The following IL1RAPL1 variants were observed in gnomAD, a reference collection of about 807,000 sequenced individuals.
IL1RAPL1 encodes the protein interleukin 1 receptor accessory protein like 1, also known as interleukin-1 receptor accessory protein-like 1.
In IL1RAPL1, 3 loss-of-function variants were observed where a neutral mutation model predicts 48.4. That is an observed-to-expected ratio of 0.06 (90% CI 0.03 to 0.16). The LOEUF is 0.16. Ranked by LOEUF, IL1RAPL1 falls within the 10% of genes least tolerant of loss-of-function variation. The probability of loss-of-function intolerance (pLI) is 1.00; values close to 1 mark genes in which losing one functional copy is unlikely to be tolerated. For missense variants in IL1RAPL1, 349 were observed against 530.6 expected, an observed-to-expected ratio of 0.66 and a Z score of 3.36; for synonymous variants, 185 against 187.7, an observed-to-expected ratio of 0.99 and a Z score of 0.12.
chrX:29,929,636 G>A (rs1255143347), intron 8 of IL1RAPL1, among the ~76,000 whole-genome samples: 2 of 111,241 alleles, frequency 1.8e-5, no homozygotes, highest in East Asian at 2.8e-4. Context: ...AATTCCTTAC[G>A]ACATGCAACT....
chrX:28,658,794 A>C (rs1381961482), intron 1 of IL1RAPL1, among the ~76,000 whole-genome samples: 1 of 111,383 alleles, frequency 9.0e-6, no homozygotes, highest in East Asian at 2.8e-4. Context: ...AATTATTTTA[A>C]AGTTGAACCG....
chrX:29,314,316 T>C (rs1209650230), intron 3 of IL1RAPL1, among the ~76,000 whole-genome samples: 1 of 111,888 alleles, frequency 8.9e-6, no homozygotes. Context: ...CAAGATATAA[T>C]AGACAAGAAT....
intron 5 of IL1RAPL1, among the ~76,000 whole-genome samples, chrX:29,401,258 A>G (rs953478688): frequency 8.9e-6 from 1 of 111,822 alleles, no homozygotes; most frequent in African/African-American, 3.2e-5. Context: ...AAATACTTAT[A>G]TGTAGCCTTA....
chrX:29,903,537 CTTTT>C (rs1441878238), intron 6 of IL1RAPL1, among the ~76,000 whole-genome samples: 1 of 110,951 alleles, frequency 9.0e-6, no homozygotes, highest in Non-Finnish European at 1.9e-5. Flanking sequence ...AAAAAGAGAG[CTTTT>C]TTATTTTTCA....
At chrX:28,719,753 G>C (rs2146939095) in intron 1 of IL1RAPL1, among the ~76,000 whole-genome samples, 1 of 111,089 alleles carries the variant, frequency 9.0e-6, no homozygotes, top group Admixed American at 9.7e-5. Flanking sequence ...TTTTTGAACA[G>C]TAGAAAGGTG....
intron 2 of IL1RAPL1, among the ~76,000 whole-genome samples, chrX:28,827,004 T>A (rs1385768780): frequency 9.0e-6 from 1 of 111,328 alleles, no homozygotes; most frequent in South Asian, 3.7e-4. Context: ...TGTGTAAATA[T>A]TGGAGAGGAT....
At chrX:28,792,656 C>CGG (rs959406472) in intron 2 of IL1RAPL1, among the ~76,000 whole-genome samples, 1 of 101,016 alleles carries the variant, frequency 9.9e-6, no homozygotes, top group African/African-American at 3.6e-5. Flanking sequence ...GGCGTGGTGG[C>CGG]GGGTGCTTGT....
At chrX:29,899,562 G>C (rs1157683048) in intron 6 of IL1RAPL1, among the ~76,000 whole-genome samples, 1 of 84,616 alleles carries the variant, frequency 1.2e-5, no homozygotes, top group Admixed American at 1.4e-4. Context: ...TTTTTTTTTT[G>C]AGATGGAGTC....
chrX:28,820,250 C>T (rs2147280985), intron 2 of IL1RAPL1, among the ~76,000 whole-genome samples: 1 of 108,439 alleles, frequency 9.2e-6, no homozygotes, highest in South Asian at 4.0e-4. Context: ...GGTTTTGTCC[C>T]TGATGTAACA....
At chrX:28,978,575 T>C (rs747052817) in intron 2 of IL1RAPL1, among the ~76,000 whole-genome samples, 6 of 112,090 alleles carry the variant, frequency 5.4e-5, no homozygotes, top group African/African-American at 1.9e-4. Flanking sequence ...TTTTTAAAGA[T>C]TCCCCAATAT....
At chrX:29,833,783 C>T (rs1249705974) in intron 6 of IL1RAPL1, among the ~76,000 whole-genome samples, 1 of 111,774 alleles carries the variant, frequency 8.9e-6, no homozygotes, top group Non-Finnish European at 1.9e-5. Context: ...TGCTGTGATC[C>T]ATTAGTGATG....
chrX:29,761,968 T>C (rs1437508320), intron 6 of IL1RAPL1, among the ~76,000 whole-genome samples: 1 of 112,054 alleles, frequency 8.9e-6, no homozygotes, highest in Non-Finnish European at 1.9e-5. Flanking sequence ...AGCATTCCCC[T>C]GTCTGTAATA....
chrX:29,071,980 A>G (rs757449408), intron 2 of IL1RAPL1, among the ~76,000 whole-genome samples: 3 of 111,360 alleles, frequency 2.7e-5, no homozygotes, highest in African/African-American at 9.8e-5. Flanking sequence ...TTTTGTTTCC[A>G]TTGCCTTCAG....
chrX:29,518,415 G>A (rs574405909), intron 5 of IL1RAPL1, among the ~76,000 whole-genome samples: 1 of 111,032 alleles, frequency 9.0e-6, no homozygotes, highest in Non-Finnish European at 1.9e-5. Flanking sequence ...CACAGTTTGA[G>A]TAGCAAAGAG....
At chrX:29,223,858 A>G (rs1237721496) in intron 2 of IL1RAPL1, among the ~76,000 whole-genome samples, 1 of 110,775 alleles carries the variant, frequency 9.0e-6, no homozygotes, top group East Asian at 2.8e-4. Context: ...TGTTTTGATT[A>G]TTGCCTTTCA....
intron 2 of IL1RAPL1, among the ~76,000 whole-genome samples, chrX:29,081,203 G>GCCCA (rs2147448850): frequency 1.0e-5 from 1 of 100,220 alleles, no homozygotes; most frequent in South Asian, 4.5e-4. Flanking sequence ...ACAGGCATGT[G>GCCCA]CCACCACACC....
chrX:28,952,864 CAG>C (rs1181666878), intron 2 of IL1RAPL1, among the ~76,000 whole-genome samples: 2 of 111,088 alleles, frequency 1.8e-5, no homozygotes, highest in African/African-American at 6.5e-5. Flanking sequence ...TTGATATTAA[CAG>C]AAATATATGC....
intron 2 of IL1RAPL1, among the ~76,000 whole-genome samples, chrX:29,139,780 G>GA (rs990324881): frequency 3.8e-4 from 42 of 110,890 alleles, no homozygotes; most frequent in African/African-American, 1.4e-3. Flanking sequence ...AGTATAATTT[G>GA]AAAAAATAAT....
At chrX:28,998,191 G>T (rs1925766082) in intron 2 of IL1RAPL1, among the ~76,000 whole-genome samples, 1 of 109,830 alleles carries the variant, frequency 9.1e-6, no homozygotes, top group African/African-American at 3.3e-5. Flanking sequence ...TGGTTTAATT[G>T]CCTTAAAAAA....
Sources: allele counts gnomAD v4.1 joint callset (sites outside exome capture counted in the v4.1 genomes callset), GRCh38; gene constraint gnomAD v4.1.1; transcripts MANE v1.5; gene names NCBI Gene and HGNC (gene_info 2026-07-23, HGNC 2026-07-21).